The following TTI2 variants were observed in gnomAD, a reference collection of about 807,000 sequenced individuals.
TTI2 encodes TELO2-interacting protein 2.
A neutral mutation model predicts 44.9 loss-of-function variants in TTI2; 26 were observed. The ratio of observed to expected loss-of-function variants is 0.58; its 90% confidence interval spans 0.42 to 0.80. The LOEUF (loss-of-function observed/expected upper bound fraction) is 0.80. TTI2 is among the 30% of genes least tolerant of loss of function. TTI2 has a pLI of 0.00. For missense variants in TTI2, 582 were observed against 611.6 expected (o/e 0.95, Z 0.51); for synonymous variants, 254 against 250.9 (o/e 1.01, Z -0.12).
chr8:33,502,780 C>G (rs1056122682), intron 6 of TTI2, among the ~76,000 whole-genome samples: 6 of 151,858 alleles, frequency 4.0e-5, no homozygotes, highest in Non-Finnish European at 7.4e-5. Context: ...GAGCTGAGAT[C>G]GCGCCATTGC....
At position 33,500,470 on chromosome 8, in the gene TTI2, A is replaced by G. The variant is rs1042446597; in HGVS notation, c.1280T>C (p.Val427Ala). 7 of 1,614,014 alleles carry G rather than the reference A, an allele frequency of 4.3e-6. No homozygotes were observed. The highest frequency in any genetic ancestry group is 4.0e-5 in the African/African-American group (3 of 74,920). ...TWPRVSCRLV[V>A]LLKALLKLIC... Reference sequence around the variant, plus strand: ...CAGTTTCAAGAGGGCCTTCAGTAAGACCACAAGTCTGCAGGAAACTCTGGA... The same window carrying G: ...CAGTTTCAAGAGGGCCTTCAGTAAGGCCACAAGTCTGCAGGAAACTCTGGA... The change falls in exon 7 of 8, where the codon GTC becomes GCC. Residue 427 changes from valine (V) to alanine (A), a missense_variant. By Grantham distance (64) the Val-to-Ala change is moderately conservative (BLOSUM62 0). Coordinates refer to ENST00000431156, the MANE Select transcript of TTI2 (RefSeq NM_001102401.4).
chr8:33,505,639 G>A (rs551234210), intron 4 of TTI2, among the ~76,000 whole-genome samples: 15 of 151,966 alleles, frequency 9.9e-5, no homozygotes, highest in African/African-American at 3.4e-4. Context: ...AGAGGCATGC[G>A]CCACCATGCC....
At position 33,499,320 on chromosome 8, in the gene TTI2, T is replaced by A. The variant is rs199535978; in HGVS notation, c.1423-43A>T. The A allele has an allele frequency of 4.2e-4, 550 of 1,320,594 alleles. 10 individuals are homozygous for A. The East Asian group carries it at 9.2e-3, about 22-fold the overall frequency. 81.8% of individuals were successfully genotyped at this position (1,320,594 alleles called of 1,614,324 possible). ...ACAGGCTTTGATATTTTTTTTTTTTTAATTACTTTCCCCTTTTGCTTGATT... is the reference window on the plus strand; with the variant it reads ...ACAGGCTTTGATATTTTTTTTTTTTAAATTACTTTCCCCTTTTGCTTGATT... On this transcript the variant is annotated intron_variant, in intron 7 of 7. Coordinates refer to ENST00000431156, the MANE Select transcript of TTI2 (RefSeq NM_001102401.4).
intron 2 of TTI2, among the ~76,000 whole-genome samples, chr8:33,511,263 G>A (rs1388102759): frequency 6.6e-6 from 1 of 151,814 alleles, no homozygotes; most frequent in African/African-American, 2.4e-5. Context: ...GGCTGGTCTC[G>A]AACTCCTGAC....
At chr8:33,507,133 A>G in intron 4 of TTI2, 96 bp downstream of exon 4, 1 of 1,103,980 alleles carries the variant, frequency 9.1e-7, no homozygotes, top group South Asian at 1.3e-5. Context: ...TTTCCAAGGC[A>G]GGAAAATGTC....
chr8:33,512,413 T>A lies in TTI2; in HGVS notation c.201A>T (p.Leu67Phe). 1 of 1,614,074 alleles carries A rather than the reference T, an allele frequency of 6.2e-7. No homozygotes were observed. The highest frequency in any genetic ancestry group is 8.5e-7 in the Non-Finnish European group (1 of 1,179,944). ...DLIEATEFDR[L>F]FEGTGARLRG... ...GGAGCCGTGCACCAGTCCCCTCAAA[T>A]AACCTATCAAATTCTGTGGCTTCTA... Residue 67 changes from leucine (L) to phenylalanine (F), a missense_variant, in exon 2 of 8, where the codon TTA becomes TTT. Coordinates refer to ENST00000431156, the MANE Select transcript of TTI2 (RefSeq NM_001102401.4).
At chr8:33,499,910 A>G (rs1809002462) in intron 7 of TTI2, 1 of 158,824 alleles carries the variant, frequency 6.3e-6, no homozygotes, top group African/African-American at 2.4e-5. Flanking sequence ...ACATCTACCT[A>G]AAAGATGGTT....
intron 4 of TTI2, among the ~76,000 whole-genome samples, chr8:33,504,359 C>T (rs543775191): frequency 1.6e-5 from 2 of 122,864 alleles, no homozygotes; most frequent in South Asian, 2.6e-4. Context: ...GACAGTGGTG[C>T]AATCTTGGCT....
chr8:33,502,589 C>CTGAGGAGGGGAAATCACGAGG (rs1157789245), intron 6 of TTI2, among the ~76,000 whole-genome samples: 49 of 152,182 alleles, frequency 3.2e-4, no homozygotes, highest in African/African-American at 1.2e-3. Context: ...CTTTAGGAGG[C>CTGAGGAGGGGAAATCACGAGG]TGAGGAGGGG....
At chr8:33,500,251 T>C (rs1809017336) in intron 7 of TTI2, 77 bp downstream of exon 7, 2 of 1,562,486 alleles carry the variant, frequency 1.3e-6, no homozygotes, top group East Asian at 2.2e-5. Flanking sequence ...GGCACATACA[T>C]AGTAAATTAT....
intron 4 of TTI2, among the ~76,000 whole-genome samples, chr8:33,506,107 C>G (rs747568621): frequency 1.3e-5 from 2 of 152,144 alleles, no homozygotes; most frequent in Non-Finnish European, 2.9e-5. Flanking sequence ...TTATAGAAAC[C>G]TCTTCTAATG....
chr8:33,500,121 A>G, intron 7 of TTI2: 1 of 546,622 alleles, frequency 1.8e-6, no homozygotes, highest in Admixed American at 3.2e-5. Flanking sequence ...TCCTGCCTTT[A>G]GTTCTAAATG....
In TTI2 at chr8:33,499,007, G is replaced by C; in HGVS notation, c.*166C>G. 1 of 635,584 alleles carries C rather than the reference G, an allele frequency of 1.6e-6. No homozygotes were observed. The highest frequency in any genetic ancestry group is 2.7e-6 in the Non-Finnish European group (1 of 367,154). 39.4% of individuals were successfully genotyped at this position (635,584 alleles called of 1,614,324 possible). ...AATGGAAGGAGTTCAATTTTTTCTT[G>C]TTCTACTTTCCCTATTCTTATGGAG... On this transcript the variant is annotated 3_prime_UTR_variant, in exon 8 of 8. Transcript: ENST00000431156.
intron 4 of TTI2, among the ~76,000 whole-genome samples, chr8:33,504,281 A>G (rs1809215693): frequency 8.3e-6 from 1 of 119,798 alleles, no homozygotes. Flanking sequence ...GATACATGAT[A>G]TTTACACATT....
At position 33,508,686 on chromosome 8, in the gene TTI2, G is replaced by A. The variant is rs138747360; in HGVS notation, c.834+1060C>T. ...GGTGATCTCTGGCTCTCCCCTACAGGTACATGGAGATTAATTATACCACTC... is the reference window on the plus strand; with the variant it reads ...GGTGATCTCTGGCTCTCCCCTACAGATACATGGAGATTAATTATACCACTC... On this transcript the variant is annotated intron_variant, in intron 3 of 7. Transcript: ENST00000431156. Among the ~76,000 whole-genome samples, 1,008 of 149,974 alleles carry A rather than the reference G, an allele frequency of 6.7e-3. 19 individuals are homozygous for A. The highest frequency in any genetic ancestry group is 0.024 in the African/African-American group (963 of 40,768).
At position 33,512,162 on chromosome 8, in the gene TTI2, T is replaced by TA. The variant is rs747890745; in HGVS notation, c.451dup (p.Tyr151LeufsTer23). The TA allele has an allele frequency of 1.9e-6, 3 of 1,614,152 alleles. No individual in the cohort carries two copies. Among genetic ancestry groups the TA allele is most frequent in the Non-Finnish European group, 2.5e-6 (3 of 1,180,036 alleles). On this transcript the variant is annotated frameshift_variant, in exon 2 of 8. Transcript: ENST00000431156. LOFTEE classifies it high-confidence loss of function. ...CAAGCTGTGTGTGATGGCAAAAATA[T>TA]AAACGGGTCCTGCCAAGTGATGCAG...
In TTI2 at chr8:33,500,419, T is replaced by C. The variant is rs1392185060; in HGVS notation, c.1331A>G (p.Asn444Ser). The change falls in exon 7 of 8, where the codon AAC (asparagine) becomes AGC (serine). Residue 444 changes from asparagine to serine, a missense_variant. Transcript: ENST00000431156. ...GCTCTTAACAGACTCAGGTGTAAGG[T>C]TTGGATCCCTTGCTACATCACAAAT... is the stretch of plus-strand genomic sequence containing the variant. ...KLICDVARDPNLTPESVKSAL... is the reference protein window; with the variant it reads ...KLICDVARDPSLTPESVKSAL... 1 of 1,614,066 alleles carries C rather than the reference T, an allele frequency of 6.2e-7. No homozygotes were observed. Among genetic ancestry groups the C allele is most frequent in the Admixed American group, 1.7e-5 (1 of 60,010 alleles).
intron 3 of TTI2, among the ~76,000 whole-genome samples, chr8:33,508,999 G>T (rs1809408911): frequency 2.0e-5 from 3 of 151,560 alleles, no homozygotes; most frequent in Admixed American, 6.6e-5. Flanking sequence ...AAAATTAGCT[G>T]GGTGTGGTGG....
At chr8:33,499,397 G>T in intron 7 of TTI2, 120 bp from the exon 8 acceptor site, 1 of 743,024 alleles carries the variant, frequency 1.3e-6, no homozygotes, top group Non-Finnish European at 2.4e-6. Context: ...GACACTTAGG[G>T]ACAGGTCACT....
Sources: gnomAD v4.1 joint callset for allele counts (sites outside exome capture counted in the v4.1 genomes callset) on GRCh38, gnomAD v4.1.1 for gene constraint, MANE v1.5 for transcripts, NCBI Gene and HGNC (gene_info 2026-07-23, HGNC 2026-07-21) for gene names.